The following COMMD1 variants were observed in gnomAD, a reference collection of about 807,000 sequenced individuals.
COMMD1 encodes the protein COMM domain-containing protein 1.
COMMD1 carries 10 observed loss-of-function variants against 17.2 expected under a neutral mutation model. The observed-to-expected ratio is 0.58, with a 90% confidence interval of 0.36 to 0.99. The LOEUF (loss-of-function observed/expected upper bound fraction) is 0.99, where lower values mean the gene tolerates loss of function less well. Ranked by LOEUF, COMMD1 falls within the 50% of genes least tolerant of loss-of-function variation. The probability of loss-of-function intolerance (pLI) is 0.01; values close to 1 mark genes in which losing one functional copy is unlikely to be tolerated. For missense variants in COMMD1, 270 were observed against 231.8 expected (o/e 1.17, Z -1.07); for synonymous variants, 97 against 91.6 (o/e 1.06, Z -0.34).
chr2:61,942,355 C>T (rs570122956), intron 1 of COMMD1, among the ~76,000 whole-genome samples: 14 of 152,012 alleles, frequency 9.2e-5, no homozygotes, highest in African/African-American at 2.4e-4. Flanking sequence ...CCACCCACCT[C>T]GGCCTCCCAA....
intron 1 of COMMD1, among the ~76,000 whole-genome samples, chr2:61,996,460 A>G (rs1443158575): frequency 2.6e-5 from 4 of 152,084 alleles, no homozygotes; most frequent in Non-Finnish European, 5.9e-5. Flanking sequence ...AAATAACACA[A>G]CAATGAGATT....
chr2:62,121,106 AC>A (rs1244834140), intron 2 of COMMD1, among the ~76,000 whole-genome samples: 5 of 152,082 alleles, frequency 3.3e-5, no homozygotes, highest in African/African-American at 1.2e-4. Flanking sequence ...ACAGTGGCTC[AC>A]GCCTGTAATT....
In COMMD1 at chr2:61,888,896, CTT is replaced by C. The variant is rs70946768; in HGVS notation, n.119+72_119+73del. ...CCTTGCACGGCTATGAGGTCCCCTC[CTT>C]TTTTTTTTTTTTTTTTTCTTTTTTT... On this transcript the variant is annotated intron_variant and non_coding_transcript_variant, in intron 1 of 2. Coordinates refer to the COMMD1 transcript ENST00000472729. 3.5e-3 allele frequency: 461 copies of C among 132,224 alleles called. 1 individual carries two copies. Among genetic ancestry groups the C allele is most frequent in the South Asian group, 6.9e-3 (33 of 4,784 alleles). The allele number at this position is 132,224 out of a possible 1,614,324, so 8.2% of individuals were successfully genotyped here. A position where few individuals can be genotyped will look rare whatever the true frequency, so the allele number is the denominator to read the frequency against.
chr2:61,948,213 A>G lies in COMMD1; in HGVS notation c.180+42355A>G, dbSNP rs572338259. On this transcript the variant is annotated intron_variant, in intron 1 of 2. Coordinates refer to ENST00000311832, the MANE Select transcript of COMMD1 (RefSeq NM_152516.4). ...AGCCTTGACCTCCTGGGCTCAAGCA[A>G]CCCTCCCACCTTTGCCTCCCAAGTA... Among the ~76,000 whole-genome samples, 17 of 152,246 alleles carry G rather than the reference A, an allele frequency of 1.1e-4. No homozygotes were observed. In the South Asian group the frequency reaches 2.3e-3, roughly 20 times the overall value.
chr2:61,946,097 C>G (rs971302861), intron 1 of COMMD1, among the ~76,000 whole-genome samples: 3 of 151,908 alleles, frequency 2.0e-5, no homozygotes, highest in Admixed American at 6.6e-5. Flanking sequence ...GTTGTGGGAG[C>G]CTTTGAATTT....
At chr2:62,014,976 G>T (rs1402937122) in intron 2 of COMMD1, among the ~76,000 whole-genome samples, 1 of 152,116 alleles carries the variant, frequency 6.6e-6, no homozygotes, top group Admixed American at 6.5e-5. Context: ...CCAGGCTGGA[G>T]TACAGTGGCA....
intron 2 of COMMD1, among the ~76,000 whole-genome samples, chr2:62,067,754 C>T (rs1671093808): frequency 1.3e-5 from 2 of 152,098 alleles, no homozygotes; most frequent in South Asian, 4.1e-4. Flanking sequence ...CTGTAAGATT[C>T]CTTTCCTTTG....
chr2:61,889,642 C>T (rs1669373937), intron 1 of COMMD1, among the ~76,000 whole-genome samples: 1 of 151,794 alleles, frequency 6.6e-6, no homozygotes, highest in African/African-American at 2.4e-5. Flanking sequence ...CAGTTTTGTT[C>T]ATTTTGAAAG....
At chr2:62,115,227 G>A (rs1303563468) in intron 2 of COMMD1, among the ~76,000 whole-genome samples, 1 of 152,206 alleles carries the variant, frequency 6.6e-6, no homozygotes, top group Non-Finnish European at 1.5e-5. Flanking sequence ...TTAGATTTCT[G>A]TTTATGTCTG....
chr2:61,977,323 CA>C (rs1312987654), intron 1 of COMMD1, among the ~76,000 whole-genome samples: 1 of 142,300 alleles, frequency 7.0e-6, no homozygotes, highest in Non-Finnish European at 1.5e-5. Context: ...CGGCTCACTG[CA>C]ACCTCCGCCT....
chr2:61,888,536 C>A (rs1208473300), upstream of COMMD1: 1 of 1,602,188 alleles, frequency 6.2e-7, no homozygotes, highest in Admixed American at 1.7e-5. Flanking sequence ...TGGGTTGGCT[C>A]GGGAAGGACG....
intron 2 of COMMD1, among the ~76,000 whole-genome samples, chr2:62,032,016 A>G (rs1669920839): frequency 6.6e-6 from 1 of 152,246 alleles, no homozygotes; most frequent in African/African-American, 2.4e-5. Context: ...ACACTTTAGT[A>G]TGTATAACAC....
chr2:62,063,668 T>C (rs1359039251), intron 2 of COMMD1, among the ~76,000 whole-genome samples: 1 of 151,966 alleles, frequency 6.6e-6, no homozygotes, highest in Non-Finnish European at 1.5e-5. Context: ...GTTTCTATAA[T>C]GTTCTATGCA....
At chr2:61,919,107 G>T (rs1237083350) in intron 1 of COMMD1, among the ~76,000 whole-genome samples, 6 of 152,074 alleles carry the variant, frequency 3.9e-5, no homozygotes, top group African/African-American at 1.4e-4. Context: ...TGCCTCTCAG[G>T]TTTAAGCGAT....
chr2:61,982,081 T>C (rs981909883), intron 1 of COMMD1, among the ~76,000 whole-genome samples: 2 of 152,210 alleles, frequency 1.3e-5, no homozygotes, highest in African/African-American at 2.4e-5. Flanking sequence ...TTGCATAGTA[T>C]AGACATTTCA....
At chr2:62,061,609 G>A (rs954699273) in intron 2 of COMMD1, among the ~76,000 whole-genome samples, 9 of 145,986 alleles carry the variant, frequency 6.2e-5, no homozygotes, top group African/African-American at 2.3e-4. Flanking sequence ...AGGCTGGAGT[G>A]CAGTGGCACG....
At chr2:61,900,992 G>A (rs931285180), upstream of COMMD1, among the ~76,000 whole-genome samples, 1 of 151,954 alleles carries the variant, frequency 6.6e-6, no homozygotes, top group Non-Finnish European at 1.5e-5. Flanking sequence ...TGTCACCCAG[G>A]CTGGAGTGCA....
At chr2:61,958,883 A>G (rs897609257) in intron 1 of COMMD1, among the ~76,000 whole-genome samples, 1 of 152,106 alleles carries the variant, frequency 6.6e-6, no homozygotes, top group Non-Finnish European at 1.5e-5. Flanking sequence ...ATAGTACTTC[A>G]GTTCGTGCTT....
rs139682381 is a variant in COMMD1, at chr2:61,905,712, C to G, written c.34C>G (p.Leu12Val). ...GGGCGAGCTTGAGGGTGGCAAACCC[C>G]TGAGCGGGCTGCTGAATGCGCTGGC... is the stretch of plus-strand genomic sequence containing the variant. ...AAGELEGGKP[L>V]SGLLNALAQD... Residue 12 changes from leucine to valine, a missense_variant, in exon 1 of 3, where the codon CTG becomes GTG. By Grantham distance (32) the Leu-to-Val change is conservative. Transcript: ENST00000311832. 3 of 1,601,988 alleles carry G rather than the reference C, an allele frequency of 1.9e-6. No homozygotes were observed. Among genetic ancestry groups the G allele is most frequent in the Non-Finnish European group, 2.6e-6 (3 of 1,173,858 alleles).
Sources: gnomAD v4.1 joint callset for allele counts (sites outside exome capture counted in the v4.1 genomes callset) on GRCh38, gnomAD v4.1.1 for gene constraint, MANE v1.5 for transcripts, NCBI Gene and HGNC (gene_info 2026-07-23, HGNC 2026-07-21) for gene names.